Variants in HTR1F observed in about 807,000 individuals in gnomAD.
The protein encoded by HTR1F is 5-hydroxytryptamine (serotonin) receptor 1F, G protein-coupled.
In HTR1F, 17 loss-of-function variants were observed where a neutral mutation model predicts 24.0. The ratio of observed to expected loss-of-function variants is 0.71; its 90% confidence interval spans 0.48 to 1.06. The LOEUF is 1.06. HTR1F is among the 50% of genes least tolerant of loss of function. The pLI is 0.00. For synonymous variants in HTR1F, 186 were observed against 156.8 expected (o/e 1.19, Z -1.39); for missense variants, 391 against 427.8 (o/e 0.91, Z 0.76).
chr3:87,796,621 A>C (rs1276352120), intron 1 of HTR1F, among the ~76,000 whole-genome samples: 2 of 152,222 alleles, frequency 1.3e-5, no homozygotes, highest in African/African-American at 2.4e-5. Context: ...GAATAGGGAA[A>C]AATCCAGAAG....
chr3:87,804,101 T>C (rs559536047), intron 1 of HTR1F, among the ~76,000 whole-genome samples: 4 of 152,302 alleles, frequency 2.6e-5, no homozygotes, highest in South Asian at 2.1e-4. Flanking sequence ...TTTATCTTTT[T>C]ATTATTTGTC....
chr3:87,917,625 A>C (rs897453261), intron 2 of HTR1F, among the ~76,000 whole-genome samples: 1 of 152,036 alleles, frequency 6.6e-6, no homozygotes, highest in Non-Finnish European at 1.5e-5. Flanking sequence ...TAGATGAATA[A>C]ATTCTTGGAA....
At chr3:87,795,697 C>G (rs1703892856) in intron 1 of HTR1F, among the ~76,000 whole-genome samples, 1 of 152,132 alleles carries the variant, frequency 6.6e-6, no homozygotes, top group South Asian at 2.1e-4. Flanking sequence ...TTCCCTCAGC[C>G]TTAAATTAGA....
At position 87,873,095 on chromosome 3, in the gene HTR1F, TACACAC is replaced by T. The variant is rs61407734; in HGVS notation, c.-43+51005_-43+51010del. ...ATGGATGGATACATACATGCATACA[TACACAC>T]ACACACACACACACACACACACACA... On this transcript the variant is annotated intron_variant, in intron 2 of 2. Coordinates refer to ENST00000319595, the MANE Select transcript of HTR1F (RefSeq NM_001322209.2). Among the ~76,000 whole-genome samples, 790 of 135,106 alleles carry T rather than the reference TACACAC, an allele frequency of 5.8e-3. 3 individuals are homozygous for T. Among genetic ancestry groups the T allele is most frequent in the African/African-American group, 0.017 (633 of 37,964 alleles). The allele number at this position is 135,106 out of a possible 152,430, so 88.6% of individuals were successfully genotyped here.
Position 87,910,502 on chromosome 3 carries a change from G to A in HTR1F, c.-42-80206G>A, listed in dbSNP as rs62267046. ...TCTTAGAGATCTACAAAGAGACTTA[G>A]AGTCCCGCACAATAATACTGGGAGA... On this transcript the variant is annotated intron_variant, in intron 2 of 2. Transcript: ENST00000319595. Among the ~76,000 whole-genome samples, 1,322 of 152,152 alleles carry A rather than the reference G, an allele frequency of 8.7e-3. 8 individuals are homozygous for A. Among genetic ancestry groups the A allele is most frequent in the Non-Finnish European group, 0.012 (820 of 67,964 alleles).
At chr3:87,892,601 A>G (rs184339498) in intron 2 of HTR1F, among the ~76,000 whole-genome samples, 2 of 152,164 alleles carry the variant, frequency 1.3e-5, no homozygotes, top group Admixed American at 6.5e-5. Context: ...AAAGCTACCC[A>G]GTATACTTTT....
intron 2 of HTR1F, among the ~76,000 whole-genome samples, chr3:87,978,866 A>G: frequency 9.5e-6 from 1 of 105,542 alleles, no homozygotes; most frequent in African/African-American, 3.5e-5. Flanking sequence ...GGAAAGAAGG[A>G]TGGAAGGAAG....
At chr3:87,949,259 T>C (rs763964016) in intron 2 of HTR1F, among the ~76,000 whole-genome samples, 8 of 152,248 alleles carry the variant, frequency 5.3e-5, no homozygotes, top group Non-Finnish European at 1.2e-4. Flanking sequence ...AATAATTTCA[T>C]TTTAACTACT....
At chr3:87,925,984 A>T (rs1432656895) in intron 2 of HTR1F, among the ~76,000 whole-genome samples, 1 of 152,214 alleles carries the variant, frequency 6.6e-6, no homozygotes, top group Non-Finnish European at 1.5e-5. Flanking sequence ...GTGAAGAAAG[A>T]TGAGCACTGG....
intron 2 of HTR1F, among the ~76,000 whole-genome samples, chr3:87,957,827 G>C (rs1704977549): frequency 6.6e-6 from 1 of 151,080 alleles, no homozygotes; most frequent in African/African-American, 2.4e-5. Flanking sequence ...AAAATTAAAA[G>C]TAATTCCATT....
rs530724298 is a variant in HTR1F, at chr3:87,915,874, G to A, written c.-42-74834G>A. On this transcript the variant is annotated intron_variant, in intron 2 of 2. Coordinates refer to ENST00000319595, the MANE Select transcript of HTR1F (RefSeq NM_001322209.2). ...ACACAGAACACCTGGAAAACTCATC[G>A]CAAAAATATTATCACCTAGCCACAC... 1.2e-4 allele frequency among the ~76,000 whole-genome samples: 18 copies of A among 152,146 alleles called. No homozygotes were observed. The South Asian group carries it at 1.9e-3, about 16-fold the overall frequency.
intron 2 of HTR1F, among the ~76,000 whole-genome samples, chr3:87,982,665 C>A (rs919415545): frequency 1.4e-4 from 21 of 152,178 alleles, no homozygotes; most frequent in African/African-American, 4.6e-4. Flanking sequence ...AGAACCAAAT[C>A]AGAAGCAGAA....
At chr3:87,967,946 T>C (rs1311327837) in intron 2 of HTR1F, among the ~76,000 whole-genome samples, 1 of 152,186 alleles carries the variant, frequency 6.6e-6, no homozygotes, top group African/African-American at 2.4e-5. Context: ...TTGAACAGTT[T>C]GGAGGGCTCA....
intron 2 of HTR1F, among the ~76,000 whole-genome samples, chr3:87,869,967 T>C (rs1242242342): frequency 1.3e-5 from 2 of 152,130 alleles, no homozygotes; most frequent in Admixed American, 6.6e-5. Context: ...AATTCTCAGT[T>C]TGCTAACCTA....
chr3:87,888,121 A>G (rs1705997829), intron 2 of HTR1F, among the ~76,000 whole-genome samples: 1 of 152,210 alleles, frequency 6.6e-6, no homozygotes, highest in African/African-American at 2.4e-5. Context: ...TATATACACC[A>G]TGGAATACTA....
At chr3:87,980,660 C>T (rs1034985039) in intron 2 of HTR1F, among the ~76,000 whole-genome samples, 4 of 27,630 alleles carry the variant, frequency 1.4e-4, no homozygotes, top group African/African-American at 2.7e-4. Context: ...TTACATCATC[C>T]ATGGTGCTCA....
rs1705876599 is a variant in HTR1F, at chr3:87,993,320, AG to A, written c.*1471del. On this transcript the variant is annotated 3_prime_UTR_variant, in exon 3 of 3. Transcript: ENST00000319595. ...TATACAAGGCATTGAGACATATACT[AG>A]ATAGAAGATATACGAAATAATAAAA... The A allele has an allele frequency of 1.2e-5, 2 of 165,500 alleles. No homozygotes were observed. The highest frequency in any genetic ancestry group is 2.9e-5 in the Non-Finnish European group (2 of 67,840). The allele number at this position is 165,500 out of a possible 1,614,324, so 10.3% of individuals were successfully genotyped here. A position where few individuals can be genotyped will look rare whatever the true frequency, so the allele number is the denominator to read the frequency against.
intron 1 of HTR1F, among the ~76,000 whole-genome samples, chr3:87,813,201 T>C (rs1319996098): frequency 6.6e-6 from 1 of 152,104 alleles, no homozygotes; most frequent in African/African-American, 2.4e-5. Flanking sequence ...AATATCAGCC[T>C]GTGAAAGAGC....
chr3:87,945,822 G>A (rs944528390), intron 2 of HTR1F, among the ~76,000 whole-genome samples: 17 of 152,102 alleles, frequency 1.1e-4, no homozygotes, highest in African/African-American at 3.4e-4. Context: ...TATTACTCAC[G>A]GCTTTAGAGG....
Sources: gnomAD v4.1 joint callset for allele counts (sites outside exome capture counted in the v4.1 genomes callset) on GRCh38, gnomAD v4.1.1 for gene constraint, MANE v1.5 for transcripts, NCBI Gene and HGNC (gene_info 2026-07-23, HGNC 2026-07-21) for gene names.